The following NXNL2 variants were observed in gnomAD, a reference collection of about 807,000 sequenced individuals.
The protein encoded by NXNL2 is nucleoredoxin-like protein 2.
Under a neutral mutation model 11.1 loss-of-function variants are expected in NXNL2, and 7 were observed. The observed-to-expected ratio is 0.63, with a 90% CI of 0.36 to 1.18. The LOEUF (loss-of-function observed/expected upper bound fraction) is 1.18. Among genes scored for constraint, NXNL2 ranks in the 50% most tolerant of loss-of-function variants. NXNL2 has a pLI of 0.02. For synonymous variants in NXNL2, 109 were observed against 101.8 expected (o/e 1.07, Z -0.42); for missense variants, 233 against 217.7 (o/e 1.07, Z -0.44).
At chr9:88,546,219 C>T (rs770380612), downstream of NXNL2, among the ~76,000 whole-genome samples, 1 of 151,260 alleles carries the variant, frequency 6.6e-6, no homozygotes, top group Non-Finnish European at 1.5e-5. Flanking sequence ...AGAAACGGCC[C>T]TCCTGGTAAA....
chr9:88,537,170 A>C (rs1829642855), intron 1 of NXNL2, among the ~76,000 whole-genome samples: 1 of 152,220 alleles, frequency 6.6e-6, no homozygotes, highest in Non-Finnish European at 1.5e-5. Context: ...ATATGAGCTC[A>C]TGTGTCCGCT....
chr9:88,564,294 T>TATC (rs1465517054), intron 1 of NXNL2, among the ~76,000 whole-genome samples: 1 of 129,222 alleles, frequency 7.7e-6, no homozygotes, highest in African/African-American at 3.4e-5. Flanking sequence ...ATTATCTATC[T>TATC]ATCTATCTAT....
At chr9:88,562,207 T>C (rs1040631950) in intron 1 of NXNL2, among the ~76,000 whole-genome samples, 1 of 152,042 alleles carries the variant, frequency 6.6e-6, no homozygotes, top group South Asian at 2.1e-4. Context: ...TTTCCATTGA[T>C]AGAAAATACA....
exon 2 of NXNL2, chr9:88,571,096 C>T (rs192591693): frequency 7.9e-5 from 33 of 416,992 alleles, no homozygotes; most frequent in African/African-American, 5.0e-4. Context: ...GACGGAGTCT[C>T]GCTCTGTTGC....
At chr9:88,557,080 C>CAAAAAAA (rs150400954) in intron 1 of NXNL2, among the ~76,000 whole-genome samples, 53 of 55,480 alleles carry the variant, frequency 9.6e-4, no homozygotes, top group Non-Finnish European at 1.7e-3. Flanking sequence ...GACTCCATCT[C>CAAAAAAA]AAAAAAAAAA....
At chr9:88,539,386 C>G (rs1829699410) in intron 1 of NXNL2, among the ~76,000 whole-genome samples, 1 of 152,154 alleles carries the variant, frequency 6.6e-6, no homozygotes, top group African/African-American at 2.4e-5. Context: ...GCTGGCATCC[C>G]AACCCCTTCA....
chr9:88,584,115 G>A (rs1830436852), exon 2 of NXNL2: 1 of 152,240 alleles, frequency 6.6e-6, no homozygotes, highest in African/African-American at 2.4e-5. Context: ...GCATCACTGG[G>A]AAGAAGCTGG....
At chr9:88,542,775 C>T (rs551739875) in intron 1 of NXNL2, among the ~76,000 whole-genome samples, 1 of 152,224 alleles carries the variant, frequency 6.6e-6, no homozygotes, top group East Asian at 1.9e-4. Context: ...GTAGGGGACC[C>T]TGTATTTTTT....
At chr9:88,536,265 G>A (rs1259019927) in intron 1 of NXNL2, among the ~76,000 whole-genome samples, 3 of 152,170 alleles carry the variant, frequency 2.0e-5, no homozygotes, top group African/African-American at 2.4e-5. Flanking sequence ...TTTGCTGGGA[G>A]GGAGGGACGG....
At chr9:88,556,281 G>A (rs1055920711) in intron 1 of NXNL2, among the ~76,000 whole-genome samples, 1 of 152,206 alleles carries the variant, frequency 6.6e-6, no homozygotes, top group Non-Finnish European at 1.5e-5. Context: ...CAATGGCAGA[G>A]GGCAGGAGGG....
intron 1 of NXNL2, among the ~76,000 whole-genome samples, chr9:88,568,598 C>T (rs1380901438): frequency 6.6e-6 from 1 of 152,194 alleles, no homozygotes; most frequent in East Asian, 1.9e-4. Flanking sequence ...CTGGTCTTTC[C>T]AAGTAGTCCG....
chr9:88,545,354 G>A (rs1829832834), downstream of NXNL2, among the ~76,000 whole-genome samples: 1 of 152,114 alleles, frequency 6.6e-6, no homozygotes, highest in South Asian at 2.1e-4. Flanking sequence ...TTTCTTTCCA[G>A]CCTCATTCTT....
In NXNL2 at chr9:88,553,806, A is replaced by T. The variant is rs79883353; in HGVS notation, c.303-17281A>T. 2.6e-4 allele frequency among the ~76,000 whole-genome samples: 40 copies of T among 152,298 alleles called. No individual in the cohort carries two copies. In the East Asian group the frequency reaches 3.5e-3, roughly 13 times the overall value. ...ATGGTTTTTTTGGGTAAACATTTGCAGTGATAAGGCATAAGAGACATCACT... is the reference window on the plus strand; with the variant it reads ...ATGGTTTTTTTGGGTAAACATTTGCTGTGATAAGGCATAAGAGACATCACT... On this transcript the variant is annotated intron_variant, in intron 1 of 2. Transcript: ENST00000375855.
At chr9:88,566,558 CTCCGAAAGT>C (rs1830173624) in intron 1 of NXNL2, among the ~76,000 whole-genome samples, 1 of 152,192 alleles carries the variant, frequency 6.6e-6, no homozygotes, top group South Asian at 2.1e-4. Flanking sequence ...CCAGCTCGGC[CTCCGAAAGT>C]TCTGGGATTA....
intron 1 of NXNL2, among the ~76,000 whole-genome samples, chr9:88,568,011 C>T (rs1454063790): frequency 6.6e-6 from 1 of 152,210 alleles, no homozygotes; most frequent in Admixed American, 6.5e-5. Flanking sequence ...AGTCCCAACC[C>T]TACCCCTAAG....
intron 1 of NXNL2, among the ~76,000 whole-genome samples, chr9:88,566,305 T>A (rs1830169694): frequency 6.6e-6 from 1 of 152,016 alleles, no homozygotes; most frequent in South Asian, 2.1e-4. Context: ...TCTTTTCTTT[T>A]TTTTTTTGAG....
At chr9:88,576,643 G>A (rs117693762), downstream of NXNL2, among the ~76,000 whole-genome samples, 124 of 152,234 alleles carry the variant, frequency 8.1e-4, no homozygotes, top group East Asian at 0.023. Flanking sequence ...ATTCCTCGGG[G>A]CCCACAAGCC....
At chr9:88,552,324 A>T (rs914285682) in intron 1 of NXNL2, among the ~76,000 whole-genome samples, 1 of 151,984 alleles carries the variant, frequency 6.6e-6, no homozygotes, top group Middle Eastern at 3.2e-3. Flanking sequence ...AATTGCATGC[A>T]TGTGTTTAAA....
At chr9:88,576,021 C>T (rs147850810), downstream of NXNL2, among the ~76,000 whole-genome samples, 117 of 152,170 alleles carry the variant, frequency 7.7e-4, 1 homozygote, top group African/African-American at 2.5e-3. Flanking sequence ...GGTGAAATCC[C>T]GTCTCTACTA....
Sources: allele counts gnomAD v4.1 joint callset (sites outside exome capture counted in the v4.1 genomes callset), GRCh38; gene constraint gnomAD v4.1.1; transcripts MANE v1.5; gene names NCBI Gene and HGNC (gene_info 2026-07-23, HGNC 2026-07-21).